Variants in PLAC1 observed in about 807,000 individuals in gnomAD.
PLAC1 encodes the protein placenta-specific protein 1.
For synonymous variants in PLAC1, 68 were observed against 62.1 expected, an observed-to-expected ratio of 1.09 and a Z score of -0.44; for missense variants, 136 against 163.2, an observed-to-expected ratio of 0.83 and a Z score of 0.91.
chrX:134,709,018 G>A (rs907018982), intron 2 of PLAC1, among the ~76,000 whole-genome samples: 1 of 111,776 alleles, frequency 8.9e-6, no homozygotes, highest in Non-Finnish European at 1.9e-5. Context: ...GCATCTTCCC[G>A]TGAATCTATA....
chrX:134,570,730 A>C (rs2077903877), intron 2 of PLAC1, among the ~76,000 whole-genome samples: 1 of 112,049 alleles, frequency 8.9e-6, no homozygotes, highest in Non-Finnish European at 1.9e-5. Context: ...TAACACCTGG[A>C]TGCAAAATGT....
At chrX:134,684,238 A>G (rs2078508032) in intron 2 of PLAC1, among the ~76,000 whole-genome samples, 1 of 110,626 alleles carries the variant, frequency 9.0e-6, no homozygotes, top group Non-Finnish European at 1.9e-5. Flanking sequence ...CAATAGAAAA[A>G]CTACCTTTTG....
intron 1 of PLAC1, among the ~76,000 whole-genome samples, chrX:134,763,802 CAAGA>C (rs2078776766): frequency 1.2e-5 from 1 of 80,954 alleles, no homozygotes; most frequent in Non-Finnish European, 2.3e-5. Context: ...GCCTGGGCAA[CAAGA>C]AAGAAACTCC....
At chrX:134,670,461 C>T (rs2078452011) in intron 2 of PLAC1, among the ~76,000 whole-genome samples, 1 of 111,383 alleles carries the variant, frequency 9.0e-6, no homozygotes. Flanking sequence ...CAGTCAGTCT[C>T]TCATTCAGGT....
chrX:134,602,108 C>G lies in PLAC1; in HGVS notation c.-116G>C, dbSNP rs181572009. The G allele has an allele frequency of 3.6e-5, 4 of 112,659 alleles. No individual in the cohort carries two copies. The highest frequency in any genetic ancestry group is 1.3e-4 in the African/African-American group (4 of 30,933). 9.3% of individuals were successfully genotyped at this position (112,659 alleles called of 1,213,427 possible). On this transcript the variant is annotated 5_prime_UTR_variant, in exon 2 of 3. Coordinates refer to ENST00000359237, the MANE Select transcript of PLAC1 (RefSeq NM_021796.4). ...TTCCTTTGAAATGTGGCTTTGTGCT[C>G]ACTGGTGAAGGCAGCTGGAACAGAA...
At chrX:134,592,698 A>T (rs1337272552) in intron 2 of PLAC1, among the ~76,000 whole-genome samples, 1 of 104,455 alleles carries the variant, frequency 9.6e-6, no homozygotes, top group Non-Finnish European at 2.0e-5. Context: ...CAATCAATCA[A>T]TCAATCTCTC....
At chrX:134,734,205 G>C (rs769375051) in intron 1 of PLAC1, among the ~76,000 whole-genome samples, 1 of 112,981 alleles carries the variant, frequency 8.9e-6, no homozygotes, top group African/African-American at 3.2e-5. Flanking sequence ...TGAAGGTTTA[G>C]AATAAATCCT....
chrX:134,732,522 C>T (rs895589583), intron 2 of PLAC1, among the ~76,000 whole-genome samples: 4 of 111,163 alleles, frequency 3.6e-5, no homozygotes, highest in Non-Finnish European at 5.6e-5. Flanking sequence ...CATGTGCCCA[C>T]GATGCTTACC....
At chrX:134,617,793 C>A (rs895979734) in intron 1 of PLAC1, among the ~76,000 whole-genome samples, 1 of 112,063 alleles carries the variant, frequency 8.9e-6, no homozygotes, top group Non-Finnish European at 1.9e-5. Context: ...CAGTTATACT[C>A]AATAAACTCA....
At chrX:134,686,010 A>C (rs1311883504) in intron 2 of PLAC1, among the ~76,000 whole-genome samples, 1 of 111,110 alleles carries the variant, frequency 9.0e-6, no homozygotes, top group Non-Finnish European at 1.9e-5. Flanking sequence ...TGGATTATCA[A>C]GTGAGGCCGA....
At chrX:134,712,111 G>A (rs898968059) in intron 2 of PLAC1, among the ~76,000 whole-genome samples, 2 of 110,800 alleles carry the variant, frequency 1.8e-5, no homozygotes, top group Admixed American at 9.6e-5. Context: ...TTAGGAGCAG[G>A]GAAACAGTTC....
chrX:134,589,359 A>G (rs1256032291), intron 2 of PLAC1, among the ~76,000 whole-genome samples: 1 of 110,826 alleles, frequency 9.0e-6, no homozygotes, highest in Non-Finnish European at 1.9e-5. Flanking sequence ...GTGGAAAGAA[A>G]CCCCTCCAGT....
chrX:134,642,763 A>G (rs2078313135), intron 1 of PLAC1, among the ~76,000 whole-genome samples: 1 of 111,705 alleles, frequency 9.0e-6, no homozygotes, highest in South Asian at 3.7e-4. Flanking sequence ...AAAATACACA[A>G]TCATCAAAAA....
intron 2 of PLAC1, among the ~76,000 whole-genome samples, chrX:134,724,269 C>T (rs974758560): frequency 8.9e-6 from 1 of 112,393 alleles, no homozygotes; most frequent in African/African-American, 3.2e-5. Flanking sequence ...GGAAACTGTG[C>T]TATGGTTAAC....
intron 1 of PLAC1, among the ~76,000 whole-genome samples, chrX:134,641,094 TAAA>T (rs1243258957): frequency 9.1e-6 from 1 of 109,503 alleles, no homozygotes; most frequent in Non-Finnish European, 1.9e-5. Flanking sequence ...AATAAAAAAA[TAAA>T]AACCTAATTA....
intron 2 of PLAC1, among the ~76,000 whole-genome samples, chrX:134,723,385 G>A (rs761162527): frequency 5.6e-5 from 6 of 106,767 alleles, no homozygotes; most frequent in East Asian, 2.9e-4. Flanking sequence ...ATGGCTCAGC[G>A]CAGCCTCAAC....
chrX:134,608,663 T>G (rs1376092096), intron 1 of PLAC1, among the ~76,000 whole-genome samples: 1 of 85,200 alleles, frequency 1.2e-5, no homozygotes, highest in Non-Finnish European at 2.2e-5. Flanking sequence ...CTCTTCTTTT[T>G]CTTTTTTTCT....
chrX:134,685,796 A>C (rs2078514983), intron 2 of PLAC1, among the ~76,000 whole-genome samples: 1 of 111,302 alleles, frequency 9.0e-6, no homozygotes, highest in African/African-American at 3.3e-5. Context: ...TTTCTTGTCC[A>C]GTATCTAAGG....
chrX:134,669,271 A>G (rs1221856337), intron 2 of PLAC1, among the ~76,000 whole-genome samples: 1 of 111,871 alleles, frequency 8.9e-6, no homozygotes, highest in Non-Finnish European at 1.9e-5. Context: ...CAAAGAGTTC[A>G]CTTTCCAGTG....
Sources: allele counts gnomAD v4.1 joint callset (sites outside exome capture counted in the v4.1 genomes callset), GRCh38; gene constraint gnomAD v4.1.1; transcripts MANE v1.5; gene names NCBI Gene and HGNC (gene_info 2026-07-23, HGNC 2026-07-21).